SPINT1: variants seen among roughly 807,000 people sequenced by gnomAD.
The protein encoded by SPINT1 is kunitz-type protease inhibitor 1.
In SPINT1, 38 loss-of-function variants were observed where a neutral mutation model predicts 53.7. That is an observed-to-expected ratio of 0.71 (90% CI 0.55 to 0.93). The LOEUF is 0.93. SPINT1 is among the 40% of genes least tolerant of loss of function. The pLI, the probability that SPINT1 is intolerant of heterozygous loss-of-function variation, is 0.00. For synonymous variants in SPINT1, 283 were observed against 280.6 expected (o/e 1.01, Z -0.08); for missense variants, 645 against 692.9 (o/e 0.93, Z 0.78).
intron 2 of SPINT1, among the ~76,000 whole-genome samples, chr15:40,846,772 T>A (rs959564461): frequency 6.6e-6 from 1 of 152,186 alleles, no homozygotes; most frequent in Non-Finnish European, 1.5e-5. Context: ...AGGAGGGTCC[T>A]CTTTCCTCCC....
chr15:40,844,794 C>T lies in SPINT1; in HGVS notation c.240C>T (p.Thr80=), dbSNP rs768272269. ...SNGATFLESP[T]VRRGWDCVRA... is the part of the protein sequence containing the mutation. ...GAGCTACCTTCCTGGAGTCCCCCAC[C>T]GTGCGCCGGGGCTGGGACTGCGTGC... is the stretch of plus-strand genomic sequence containing the variant. The change falls in exon 2 of 11, where the codon ACC becomes ACT. Residue 80 remains threonine, a synonymous_variant. Coordinates refer to ENST00000562057, the MANE Select transcript of SPINT1 (RefSeq NM_003710.4). The surrounding 1 kb of genome is among the most constrained non-coding windows in gnomAD (Gnocchi z 5.8). The T allele has an allele frequency of 2.5e-6, 4 of 1,613,138 alleles. No individual in the cohort carries two copies. The highest frequency in any genetic ancestry group is 3.4e-6 in the Non-Finnish European group (4 of 1,179,680).
At chr15:40,855,252 G>A (rs143800693) in intron 8 of SPINT1, among the ~76,000 whole-genome samples, 5 of 152,234 alleles carry the variant, frequency 3.3e-5, no homozygotes, top group African/African-American at 7.2e-5. Flanking sequence ...GTGGTTGCGC[G>A]TTCCTGTACT....
rs1891670012 is a variant in SPINT1 at position 40,857,083 on chromosome 15, CTG to C, written c.*111_*112del. The C allele has an allele frequency of 2.8e-6, 4 of 1,424,934 alleles. No homozygotes were observed. The East Asian group carries it at 9.4e-5, about 33-fold the overall frequency. The allele number at this position is 1,424,934 out of a possible 1,614,324, so 88.3% of individuals were successfully genotyped here. A position where few individuals can be genotyped will look rare whatever the true frequency, so the allele number is the denominator to read the frequency against. On this transcript the variant is annotated 3_prime_UTR_variant, in exon 11 of 11. Coordinates refer to ENST00000562057, the MANE Select transcript of SPINT1 (RefSeq NM_003710.4). ...GACTCTTGCCTGTTTCCCAGGCCCACTGTGCCTCAGAGACCAGGGCTCCAGCC... is the reference window on the plus strand; with the variant it reads ...GACTCTTGCCTGTTTCCCAGGCCCACTGCCTCAGAGACCAGGGCTCCAGCC...
intron 2 of SPINT1, among the ~76,000 whole-genome samples, chr15:40,847,847 C>A (rs574788382): frequency 3.3e-5 from 5 of 152,198 alleles, no homozygotes; most frequent in African/African-American, 1.2e-4. Flanking sequence ...GTGGGGCTAG[C>A]CTGTCTGTCT....
chr15:40,850,520 G>A (rs1217759890), intron 2 of SPINT1, among the ~76,000 whole-genome samples: 1 of 152,182 alleles, frequency 6.6e-6, no homozygotes, highest in Non-Finnish European at 1.5e-5. Flanking sequence ...TCCAACCCTT[G>A]CCTGTCTGTC....
intron 2 of SPINT1, among the ~76,000 whole-genome samples, chr15:40,845,358 C>T (rs1286961529): frequency 1.0e-5 from 1 of 99,446 alleles, no homozygotes; most frequent in Non-Finnish European, 1.8e-5. Flanking sequence ...TTGGTACAGA[C>T]GGGGTTTCAC....
Position 40,844,173 on chromosome 15 carries a change from A to C in SPINT1, c.-79A>C. The C allele has an allele frequency of 2.4e-6, 1 of 425,408 alleles. No individual in the cohort carries two copies. The highest frequency in any genetic ancestry group is 4.6e-6 in the Non-Finnish European group (1 of 219,728). The allele number at this position is 425,408 out of a possible 1,614,324, so 26.4% of individuals were successfully genotyped here. On this transcript the variant is annotated 5_prime_UTR_variant, in exon 1 of 11. Transcript: ENST00000562057. This position sits in a 1 kb window ranked among gnomAD's most constrained non-coding sequence, Gnocchi z 5.8. ...ACCTCGGCGGACCCGGCCCCACCCA[A>C]CTCACCTGCGCAGGTAACCCGGGCC...
Position 40,856,266 on chromosome 15 carries a change from C to G in SPINT1, c.1289-10C>G. ...AGTACTGACTGGTCTTTCCCCTCATCATTCTGCAGAGAAGGATGTGTTTGG... is the reference window on the plus strand; with the variant it reads ...AGTACTGACTGGTCTTTCCCCTCATGATTCTGCAGAGAAGGATGTGTTTGG... On this transcript the variant is annotated splice_polypyrimidine_tract_variant and intron_variant, in intron 9 of 10. Coordinates refer to ENST00000562057, the MANE Select transcript of SPINT1 (RefSeq NM_003710.4). The G allele has an allele frequency of 1.9e-6, 3 of 1,614,134 alleles. No individual in the cohort carries two copies. Among genetic ancestry groups the G allele is most frequent in the East Asian group, 2.2e-5 (1 of 44,876 alleles).
At chr15:40,855,347 C>T (rs1168115321) in intron 8 of SPINT1, among the ~76,000 whole-genome samples, 2 of 152,168 alleles carry the variant, frequency 1.3e-5, no homozygotes, top group Non-Finnish European at 2.9e-5. Context: ...AACCACTGCA[C>T]CTCAGCCTGG....
Position 40,855,916 on chromosome 15 carries a change from C to T in SPINT1, c.1142C>T (p.Thr381Ile), listed in dbSNP as rs145514521. ...DKGHCVDLPD[T>I]GLCKESIPRW... ...GGGCACTGCGTGGACCTGCCAGACA[C>T]AGGACTCTGCAAGGAGAGCATCCCG... The change falls in exon 9 of 11, where the codon ACA (threonine) becomes ATA (isoleucine). Residue 381 changes from threonine to isoleucine, a missense_variant. By Grantham distance (89) the Thr-to-Ile change is moderately conservative. Coordinates refer to ENST00000562057, the MANE Select transcript of SPINT1 (RefSeq NM_003710.4). 7 of 1,614,180 alleles carry T rather than the reference C, an allele frequency of 4.3e-6. No homozygotes were observed. The highest frequency in any genetic ancestry group is 1.7e-5 in the Admixed American group (1 of 60,020).
chr15:40,856,933 C>T lies in SPINT1; in HGVS notation c.1500C>T (p.Asp500=), dbSNP rs776066378. 98 of 1,613,976 alleles carry T rather than the reference C, an allele frequency of 6.1e-5. No homozygotes were observed. Among genetic ancestry groups the T allele is most frequent in the Non-Finnish European group, 7.9e-5 (93 of 1,179,924 alleles). ...GCTCCACTGTCTCCACTACCGAGGA[C>T]ACGGAGCACCTGGTCTATAACCACA... ...PASSTVSTTE[D]TEHLVYNHTT... is the part of the protein sequence containing the mutation. The change falls in exon 11 of 11, where the codon GAC becomes GAT. Residue 500 remains aspartate (D), a synonymous_variant. Transcript: ENST00000562057.
At chr15:40,850,870 C>T (rs1408797275) in intron 2 of SPINT1, among the ~76,000 whole-genome samples, 1 of 152,192 alleles carries the variant, frequency 6.6e-6, no homozygotes, top group Non-Finnish European at 1.5e-5. Context: ...GCTCCTGCTG[C>T]CCAAGCCCTG....
chr15:40,855,423 T>C lies in SPINT1; in HGVS notation c.1118-469T>C, dbSNP rs148173333. The stretch of plus-strand genomic sequence containing the variant: ...AATAAGCTCTAGCTAGTTGCTTGCC[T>C]GCCAAGGCTCAGACCCTGAGGCCCA... On this transcript the variant is annotated intron_variant, in intron 8 of 10. Transcript: ENST00000562057. Among the ~76,000 whole-genome samples, 674 of 150,034 alleles carry C rather than the reference T, an allele frequency of 4.5e-3. 20 individuals are homozygous for C. The highest frequency in any genetic ancestry group is 0.04 in the Admixed American group (601 of 15,102).
rs118004939 is a variant in SPINT1, at chr15:40,854,452, C to T, written c.996C>T (p.Ile332=). ...TQFRCSNGCC[I]DSFLECDDTP... ...TCCGCTGCAGCAATGGCTGCTGCAT[C>T]GACAGTTTCCTGGAGTGTGACGACA... The change falls in exon 7 of 11, where the codon ATC becomes ATT. Residue 332 remains isoleucine (I), a synonymous_variant. Transcript: ENST00000562057. The T allele has an allele frequency of 1.3e-3, 2,058 of 1,613,364 alleles. 11 individuals carry two copies. Among genetic ancestry groups the T allele is most frequent in the Non-Finnish European group, 9.3e-4 (1,100 of 1,179,784 alleles).
intron 8 of SPINT1, 99 bp downstream of exon 8, chr15:40,854,788 G>C: frequency 8.2e-6 from 12 of 1,464,136 alleles, no homozygotes; most frequent in Non-Finnish European, 1.1e-5. Flanking sequence ...CTGGGTGTAC[G>C]GGCCTGTGGG....
In SPINT1 at chr15:40,858,041, C is replaced by G. The variant is rs978460675; in HGVS notation, c.*1066C>G. The G allele has an allele frequency of 2.0e-5, 3 of 152,186 alleles. No homozygotes were observed. Among genetic ancestry groups the G allele is most frequent in the African/African-American group, 7.2e-5 (3 of 41,430 alleles). 9.4% of individuals were successfully genotyped at this position (152,186 alleles called of 1,614,324 possible). On this transcript the variant is annotated 3_prime_UTR_variant, in exon 11 of 11. Coordinates refer to ENST00000562057, the MANE Select transcript of SPINT1 (RefSeq NM_003710.4). ...GGCCCAGGTGACTAGCTGTCTCCCT[C>G]CCAACAGAAGCCCTGGCTTCTGCGC...
At chr15:40,854,031 C>T in intron 5 of SPINT1, 29 bp from the exon 6 acceptor site, 1 of 1,571,188 alleles carries the variant, frequency 6.4e-7, no homozygotes, top group Admixed American at 1.8e-5. Context: ...CTGGTCATGC[C>T]TCCTCTCATT....
Position 40,854,491 on chromosome 15 carries a change from C to G in SPINT1, c.1035C>G (p.Pro345=). 6.2e-7 allele frequency: 1 copy of G among 1,613,400 alleles called. No individual in the cohort carries two copies. The highest frequency in any genetic ancestry group is 8.5e-7 in the Non-Finnish European group (1 of 1,179,878). Residue 345 remains proline (P), a synonymous_variant, in exon 7 of 11, where the codon CCC becomes CCG. Transcript: ENST00000562057. ...FLECDDTPNC[P]DASDEAACEK... ...AGTGTGACGACACCCCCAACTGCCC[C>G]GACGCCTCCGACGAGGCTGCCTGTG...
intron 2 of SPINT1, among the ~76,000 whole-genome samples, chr15:40,851,488 A>G (rs1447623193): frequency 1.3e-5 from 2 of 152,176 alleles, no homozygotes; most frequent in South Asian, 2.1e-4. Flanking sequence ...ACATTCTCCC[A>G]ACAACCAAAC....
Sources: gnomAD v4.1 joint callset for allele counts (sites outside exome capture counted in the v4.1 genomes callset) on GRCh38, gnomAD v4.1.1 for gene constraint, Gnocchi (gnomAD v3.1) non-coding constraint, MANE v1.5 for transcripts, NCBI Gene and HGNC (gene_info 2026-07-23, HGNC 2026-07-21) for gene names.